Variants in CERT1 observed in about 807,000 individuals in gnomAD.
CERT1 encodes ceramide transporter 1, also known as ceramide transfer protein.
Under a neutral mutation model 87.9 loss-of-function variants are expected in CERT1, and 31 were observed. That is an observed-to-expected ratio of 0.35 (90% CI 0.27 to 0.48). The LOEUF is 0.48. Among genes scored for constraint, CERT1 ranks in the 20% least tolerant of loss-of-function variants. The pLI is 0.99. For missense variants in CERT1, 487 were observed against 758.0 expected, an observed-to-expected ratio of 0.64 and a Z score of 4.20; for synonymous variants, 289 against 250.9, an observed-to-expected ratio of 1.15 and a Z score of -1.44.
intron 2 of CERT1, among the ~76,000 whole-genome samples, chr5:75,491,853 T>TA (rs1766813595): frequency 6.6e-6 from 1 of 152,212 alleles, no homozygotes; most frequent in African/African-American, 2.4e-5. Flanking sequence ...TGTCTTCAGC[T>TA]ACTCAGAAGC....
rs1049607316 is a variant in CERT1, at chr5:75,401,823, C to T, written c.1017+1149G>A. 9.9e-5 allele frequency: 15 copies of T among 152,262 alleles called. No individual in the cohort carries two copies. In the Middle Eastern group the frequency reaches 0.01, roughly 104 times the overall value. 9.4% of individuals were successfully genotyped at this position (152,262 alleles called of 1,614,324 possible). A position where few individuals can be genotyped will look rare whatever the true frequency, so the allele number is the denominator to read the frequency against. On this transcript the variant is annotated intron_variant, in intron 9 of 16. Coordinates refer to ENST00000643780, the MANE Select transcript of CERT1 (RefSeq NM_001379029.1). ...TGACTGTCTTAGCAATGATAAGAAA[C>T]GAACAAGCCAACTTTTCTATGCAAA...
At chr5:75,426,512 T>C in intron 3 of CERT1, 34 bp from the exon 4 acceptor site, 1 of 1,464,164 alleles carries the variant, frequency 6.8e-7, no homozygotes, top group Non-Finnish European at 9.5e-7. Context: ...GAAAAGAATT[T>C]AAATAAAAAA....
At position 75,467,818 on chromosome 5, in the gene CERT1, G is replaced by A. The variant is rs753891304; in HGVS notation, c.232-8637C>T. 7.2e-5 allele frequency among the ~76,000 whole-genome samples: 11 copies of A among 152,072 alleles called. No homozygotes were observed. The South Asian group carries it at 8.3e-4, about 11-fold the overall frequency. ...GGTAAAATATAAATTAAGGTGAGTT[G>A]TACCAATGTTAATTTCCTGTTTTTG... is the stretch of plus-strand genomic sequence containing the variant. On this transcript the variant is annotated intron_variant, in intron 2 of 16. Transcript: ENST00000643780.
At position 75,457,915 on chromosome 5, in the gene CERT1, T is replaced by C. The variant is rs976543007; in HGVS notation, c.348+1150A>G. 2.7e-5 allele frequency among the ~76,000 whole-genome samples: 4 copies of C among 149,032 alleles called. No individual in the cohort carries two copies. The South Asian group carries it at 6.5e-4, about 24-fold the overall frequency. ...GTGTATGGGTATAGGCGCGCGTGTG[T>C]GTGTGTGTGTGGTGTGTGTGTGTGT... On this transcript the variant is annotated intron_variant, in intron 3 of 16. Coordinates refer to ENST00000643780, the MANE Select transcript of CERT1 (RefSeq NM_001379029.1).
intron 11 of CERT1, among the ~76,000 whole-genome samples, chr5:75,390,969 T>C (rs76233401): frequency 7.1e-6 from 1 of 141,572 alleles, no homozygotes; most frequent in Non-Finnish European, 1.6e-5. Flanking sequence ...ATGCCTAACA[T>C]TTTTTTTTTT....
At chr5:75,469,298 A>C (rs764556547) in intron 2 of CERT1, among the ~76,000 whole-genome samples, 3 of 152,168 alleles carry the variant, frequency 2.0e-5, no homozygotes. Flanking sequence ...GGAATAAAAG[A>C]AAGCTTACGG....
At chr5:75,388,626 A>ATATATATATATC (rs1354148262) in intron 12 of CERT1, among the ~76,000 whole-genome samples, 6 of 88,234 alleles carry the variant, frequency 6.8e-5, no homozygotes, top group African/African-American at 3.4e-4. Flanking sequence ...ATATATATAT[A>ATATATATATATC]TATATATATA....
intron 2 of CERT1, among the ~76,000 whole-genome samples, chr5:75,492,412 A>G (rs763533693): frequency 6.6e-6 from 1 of 152,212 alleles, no homozygotes; most frequent in Non-Finnish European, 1.5e-5. Flanking sequence ...CAGAAAGATG[A>G]GAATGAGATC....
chr5:75,370,635 A>G (rs1221827947), intron 17 of CERT1: 2 of 152,112 alleles, frequency 1.3e-5, no homozygotes, highest in Non-Finnish European at 2.9e-5. Flanking sequence ...TACTTGATAT[A>G]TTCCTCCTGT....
intron 2 of CERT1, among the ~76,000 whole-genome samples, chr5:75,463,563 A>C (rs1179998120): frequency 6.6e-6 from 1 of 152,346 alleles, no homozygotes. Flanking sequence ...AAGAGACATA[A>C]ATGTCCAAAA....
chr5:75,497,962 C>T (rs1767152807), intron 2 of CERT1, among the ~76,000 whole-genome samples: 1 of 152,126 alleles, frequency 6.6e-6, no homozygotes, highest in Non-Finnish European at 1.5e-5. Context: ...TGTTGAATAG[C>T]TTTGACCAAA....
At position 75,398,458 on chromosome 5, in the gene CERT1, T is replaced by C. The variant is rs563818312; in HGVS notation, c.1188+852A>G. Among the ~76,000 whole-genome samples, 12 of 152,282 alleles carry C rather than the reference T, an allele frequency of 7.9e-5. No individual in the cohort carries two copies. The East Asian group carries it at 2.3e-3, about 29-fold the overall frequency. On this transcript the variant is annotated intron_variant, in intron 11 of 16. Coordinates refer to ENST00000643780, the MANE Select transcript of CERT1 (RefSeq NM_001379029.1). ...AAAAAAGTTAGAAAACTTACTGGGA[T>C]CATACACCTAACCAGGGTTTAAACT...
At chr5:75,395,307 T>C (rs976305196) in intron 11 of CERT1, among the ~76,000 whole-genome samples, 1 of 152,134 alleles carries the variant, frequency 6.6e-6, no homozygotes, top group Non-Finnish European at 1.5e-5. Context: ...TGAAAATTAT[T>C]TTCTAGTTTG....
intron 2 of CERT1, among the ~76,000 whole-genome samples, chr5:75,469,505 G>C (rs1486968240): frequency 1.3e-5 from 2 of 152,028 alleles, no homozygotes; most frequent in East Asian, 3.9e-4. Flanking sequence ...GAGGGACAGT[G>C]TAGTAAAAAG....
At position 75,511,441 on chromosome 5, in the gene CERT1, C is replaced by T. The variant is rs776929679; in HGVS notation, c.-234G>A. 2.0e-6 allele frequency: 3 copies of T among 1,535,854 alleles called. No individual in the cohort carries two copies. Among genetic ancestry groups the T allele is most frequent in the South Asian group, 2.4e-5 (2 of 83,242 alleles). On this transcript the variant is annotated 5_prime_UTR_variant, in exon 1 of 17. Transcript: ENST00000643780. ...GAAGGAAGCCTACCCTTCCAGCCGT[C>T]AGCCGCCGCCGCCGTCGCCGTGACC...
intron 3 of CERT1, among the ~76,000 whole-genome samples, chr5:75,455,985 T>C (rs534077823): frequency 2.4e-4 from 37 of 152,326 alleles, no homozygotes; most frequent in African/African-American, 8.4e-4. Context: ...TCAATAAGTG[T>C]TAGCTCCTAT....
chr5:75,369,956 C>T (rs1210075126), intron 17 of CERT1: 1 of 152,156 alleles, frequency 6.6e-6, no homozygotes, highest in African/African-American at 2.4e-5. Context: ...TAACCAAGTT[C>T]GAATAATGGC....
intron 2 of CERT1, among the ~76,000 whole-genome samples, chr5:75,466,988 A>G (rs1015786174): frequency 6.6e-6 from 1 of 152,192 alleles, no homozygotes; most frequent in African/African-American, 2.4e-5. Flanking sequence ...AAATTCAGAA[A>G]ACTAATGTCC....
rs1039826948 is a variant in CERT1, at chr5:75,382,093, A to C, written c.1489-16T>G. 4 of 1,606,166 alleles carry C rather than the reference A, an allele frequency of 2.5e-6. No homozygotes were observed. The highest frequency in any genetic ancestry group is 3.4e-6 in the Non-Finnish European group (4 of 1,176,454). Reference sequence around the variant, plus strand: ...GCCACACCCTCTGTGGAGAAGTAAAAATCTTTTGAAAAACAGATCTAACAT... The same window carrying C: ...GCCACACCCTCTGTGGAGAAGTAAACATCTTTTGAAAAACAGATCTAACAT... On this transcript the variant is annotated splice_polypyrimidine_tract_variant and intron_variant, in intron 14 of 16. Coordinates refer to ENST00000643780, the MANE Select transcript of CERT1 (RefSeq NM_001379029.1).
Sources: allele counts gnomAD v4.1 joint callset (sites outside exome capture counted in the v4.1 genomes callset), GRCh38; gene constraint gnomAD v4.1.1; transcripts MANE v1.5; gene names NCBI Gene and HGNC (gene_info 2026-07-23, HGNC 2026-07-21).